The following WDR43 variants were observed in gnomAD, a reference collection of about 807,000 sequenced individuals.
The protein encoded by WDR43 is WD repeat-containing protein 43.
Under a neutral mutation model 91.4 loss-of-function variants are expected in WDR43, and 13 were observed. That is an observed-to-expected ratio of 0.14 (90% confidence interval 0.09 to 0.23). The LOEUF (loss-of-function observed/expected upper bound fraction) is 0.23. WDR43 is among the 10% of genes least tolerant of loss of function. The pLI is 1.00. For synonymous variants in WDR43, 331 were observed against 287.9 expected (o/e 1.15, Z -1.51); for missense variants, 780 against 809.4 (o/e 0.96, Z 0.44).
intron 1 of WDR43, among the ~76,000 whole-genome samples, chr2:28,900,148 A>T (rs1373642679): frequency 1.3e-5 from 2 of 152,114 alleles, no homozygotes; most frequent in African/African-American, 4.8e-5. Flanking sequence ...GATAGTTTTT[A>T]TTTGGGAAAA....
intron 6 of WDR43, among the ~76,000 whole-genome samples, chr2:28,918,435 C>T (rs921197871): frequency 3.3e-5 from 5 of 151,890 alleles, no homozygotes; most frequent in East Asian, 1.9e-4. Flanking sequence ...ATGGCACGGT[C>T]GCGACTAACC....
At chr2:28,904,843 A>T (rs1306298901) in intron 2 of WDR43, among the ~76,000 whole-genome samples, 1 of 152,192 alleles carries the variant, frequency 6.6e-6, no homozygotes, top group Non-Finnish European at 1.5e-5. Context: ...TTTTATTCTT[A>T]GCTTAGATAT....
chr2:28,911,342 G>A (rs1176482089), intron 3 of WDR43, among the ~76,000 whole-genome samples: 2 of 149,968 alleles, frequency 1.3e-5, no homozygotes, highest in African/African-American at 4.9e-5. Flanking sequence ...TGCCCAGGCT[G>A]GAGTACAGTG....
Position 28,925,041 on chromosome 2 carries a change from G to T in WDR43, c.974G>T (p.Gly325Val). ...ATTCAGATAGCAACACCTGGGAAAG[G>T]CAAGAAGTCAACACCAAAACCCATC... is the stretch of plus-strand genomic sequence containing the variant. ...CTIQIATPGK[G>V]KKSTPKPIPI... is the part of the protein sequence containing the mutation. The change falls in exon 8 of 18, where the codon GGC becomes GTC. Residue 325 changes from glycine to valine, a missense_variant. By Grantham distance (109) the Gly-to-Val change is moderately radical. This residue lies in a region of WDR43 where 426 missense variants were observed against 467.8 expected (regional missense o/e 0.91). Transcript: ENST00000407426. 1 of 1,613,868 alleles carries T rather than the reference G, an allele frequency of 6.2e-7. No homozygotes were observed. The highest frequency in any genetic ancestry group is 1.1e-5 in the South Asian group (1 of 91,070).
At chr2:28,945,186 A>T (rs1278691518) in intron 16 of WDR43, among the ~76,000 whole-genome samples, 1 of 152,196 alleles carries the variant, frequency 6.6e-6, no homozygotes, top group Non-Finnish European at 1.5e-5. Flanking sequence ...GGAGATAATG[A>T]TTTATTTTCT....
chr2:28,915,144 C>G (rs1459760416), intron 5 of WDR43, among the ~76,000 whole-genome samples: 1 of 152,072 alleles, frequency 6.6e-6, no homozygotes, highest in African/African-American at 2.4e-5. Context: ...AGAAGTGGGA[C>G]TCATCCAATA....
At chr2:28,910,091 A>G (rs187726944) in intron 3 of WDR43, among the ~76,000 whole-genome samples, 6 of 152,320 alleles carry the variant, frequency 3.9e-5, no homozygotes, top group African/African-American at 1.4e-4. Flanking sequence ...CTGATTTAGT[A>G]GGTGTAACTA....
At chr2:28,941,685 C>A in intron 15 of WDR43, 111 bp downstream of exon 15, 3 of 793,194 alleles carry the variant, frequency 3.8e-6, no homozygotes, top group Non-Finnish European at 6.1e-6. Context: ...GGCTGCACTG[C>A]GGTAGCATGA....
chr2:28,936,710 G>A (rs1381133693), intron 12 of WDR43, among the ~76,000 whole-genome samples: 3 of 152,088 alleles, frequency 2.0e-5, no homozygotes, highest in Non-Finnish European at 4.4e-5. Context: ...GGATTTTGCC[G>A]GTTCTGGACA....
In WDR43 at chr2:28,914,096, T is replaced by C. The variant is rs762168008; in HGVS notation, c.634T>C (p.Ser212Pro). The C allele has an allele frequency of 4.5e-5, 73 of 1,613,802 alleles. No homozygotes were observed. The highest frequency in any genetic ancestry group is 5.5e-5 in the Non-Finnish European group (65 of 1,179,860). The change falls in exon 5 of 18, where the codon TCG becomes CCG. Residue 212 changes from serine to proline, a missense_variant. Ser to Pro is a moderately conservative substitution (Grantham distance 74). Transcript: ENST00000407426. ...TTTCACAGGACATGCAACGCCAGTTTCGTCACTGATGTTCACTACCATCAG... is the reference window on the plus strand; with the variant it reads ...TTTCACAGGACATGCAACGCCAGTTCCGTCACTGATGTTCACTACCATCAG... ...RHFTGHATPV[S>P]SLMFTTIRPP...
intron 13 of WDR43, 115 bp downstream of exon 13, chr2:28,937,068 G>A (rs1407614195): frequency 1.1e-5 from 10 of 943,872 alleles, no homozygotes; most frequent in South Asian, 1.7e-5. Context: ...TTAACCCCTC[G>A]CCACCTCCCT....
chr2:28,923,028 A>G, intron 7 of WDR43, 45 bp downstream of exon 7: 3 of 1,528,110 alleles, frequency 2.0e-6, no homozygotes, highest in Non-Finnish European at 2.7e-6. Flanking sequence ...TCTTTCCCTG[A>G]CTTGTTACTT....
At chr2:28,899,132 TCTG>T (rs1350191103) in intron 1 of WDR43, among the ~76,000 whole-genome samples, 3 of 152,240 alleles carry the variant, frequency 2.0e-5, no homozygotes, top group Non-Finnish European at 4.4e-5. Flanking sequence ...GGTATTCACT[TCTG>T]ATGCCTTCAG....
intron 4 of WDR43, among the ~76,000 whole-genome samples, chr2:28,912,947 A>ATTTTT (rs35646381): frequency 2.0e-5 from 2 of 100,964 alleles, no homozygotes; most frequent in African/African-American, 3.8e-5. Context: ...AAGAAACAAG[A>ATTTTT]TTTTTTTTTT....
chr2:28,896,764 A>G (rs1448747019), intron 1 of WDR43, among the ~76,000 whole-genome samples: 1 of 152,212 alleles, frequency 6.6e-6, no homozygotes, highest in African/African-American at 2.4e-5. Flanking sequence ...AACTAGAAAA[A>G]TAACTGGATT....
intron 12 of WDR43, 77 bp from the exon 13 acceptor site, chr2:28,936,845 T>C (rs1201676089): frequency 5.5e-6 from 7 of 1,278,902 alleles, no homozygotes; most frequent in Non-Finnish European, 7.7e-6. Flanking sequence ...TTCTCAATAT[T>C]GTCATTGTAT....
chr2:28,936,826 A>G (rs1572602131), intron 12 of WDR43, 96 bp from the exon 13 acceptor site: 4 of 1,123,720 alleles, frequency 3.6e-6, no homozygotes, highest in Middle Eastern at 2.1e-4. Context: ...TACTTATTAG[A>G]ATAATAATTT....
rs1207102366 is a variant in WDR43, at chr2:28,912,647, G to T, written c.543G>T (p.Lys181Asn). 3.0e-5 allele frequency: 49 copies of T among 1,613,874 alleles called. No homozygotes were observed. Among genetic ancestry groups the T allele is most frequent in the Non-Finnish European group, 4.0e-5 (47 of 1,179,894 alleles). The change falls in exon 4 of 18, where the codon AAG (lysine) becomes AAT (asparagine). Residue 181 changes from lysine (K) to asparagine (N), a missense_variant. Lys to Asn is a moderately conservative substitution (Grantham distance 94, BLOSUM62 0). This residue lies in a region of WDR43 where 174 missense variants were observed against 207.3 expected (regional missense o/e 0.84). Coordinates refer to ENST00000407426, the MANE Select transcript of WDR43 (RefSeq NM_015131.3). ...VSSLCISPDG[K>N]MLLSAGRTIK... ...CCCTATGTATCAGCCCAGATGGAAAGATGTTGCTTTCAGCTGGTCGAACAA... is the reference window on the plus strand; with the variant it reads ...CCCTATGTATCAGCCCAGATGGAAATATGTTGCTTTCAGCTGGTCGAACAA...
intron 3 of WDR43, among the ~76,000 whole-genome samples, chr2:28,908,115 A>G (rs1670719447): frequency 1.3e-5 from 2 of 152,212 alleles, no homozygotes; most frequent in South Asian, 4.1e-4. Context: ...GAGTTGGGAT[A>G]TTGAGTTTAG....
Sources: allele counts gnomAD v4.1 joint callset (sites outside exome capture counted in the v4.1 genomes callset), GRCh38; gene constraint gnomAD v4.1.1; regional missense constraint gnomAD v4.1.1; transcripts MANE v1.5; gene names NCBI Gene and HGNC (gene_info 2026-07-23, HGNC 2026-07-21).